EFCAB8: variants seen among roughly 807,000 people sequenced by gnomAD.
The protein encoded by EFCAB8 is EF-hand calcium binding domain 8.
In EFCAB8, 100 loss-of-function variants were observed where a neutral mutation model predicts 116.3. The ratio of observed to expected loss-of-function variants is 0.86; its 90% CI spans 0.73 to 1.02. The LOEUF (loss-of-function observed/expected upper bound fraction) is 1.02. EFCAB8 is among the 50% of genes least tolerant of loss of function. The pLI is 0.00. For missense variants in EFCAB8, 1,320 were observed against 1,416.9 expected, an observed-to-expected ratio of 0.93 and a Z score of 1.10; for synonymous variants, 558 against 567.9, an observed-to-expected ratio of 0.98 and a Z score of 0.25.
chr20:32,892,607 T>C (rs1600391794), intron 8 of EFCAB8, among the ~76,000 whole-genome samples: 1 of 151,930 alleles, frequency 6.6e-6, no homozygotes, highest in Admixed American at 6.6e-5. Flanking sequence ...TTGCGAGGGG[T>C]GACTTAACAA....
At chr20:32,925,232 A>G (rs1987623815) in intron 20 of EFCAB8, among the ~76,000 whole-genome samples, 1 of 151,884 alleles carries the variant, frequency 6.6e-6, no homozygotes, top group African/African-American at 2.4e-5. Context: ...TTATTTATTT[A>G]TTTTTGAGAT....
At chr20:32,935,192 CTTTTT>C (rs753039647) in intron 22 of EFCAB8, among the ~76,000 whole-genome samples, 9 of 34,046 alleles carry the variant, frequency 2.6e-4, no homozygotes, top group East Asian at 1.3e-3. Context: ...TTCTTTCTTT[CTTTTT>C]TTTTTTTTTT....
At chr20:32,912,172 C>T (rs982309925) in intron 16 of EFCAB8, among the ~76,000 whole-genome samples, 1 of 152,120 alleles carries the variant, frequency 6.6e-6, no homozygotes, top group Non-Finnish European at 1.5e-5. Flanking sequence ...GGCAGTGGCT[C>T]ACGCCTGTAA....
At chr20:32,931,975 G>A (rs1032252395) in intron 22 of EFCAB8, among the ~76,000 whole-genome samples, 2 of 152,188 alleles carry the variant, frequency 1.3e-5, no homozygotes, top group Non-Finnish European at 1.5e-5. Context: ...GTTTTTGTTG[G>A]GGGAGTGGAG....
At chr20:32,923,427 A>G (rs1016806323) in intron 20 of EFCAB8, among the ~76,000 whole-genome samples, 2 of 152,124 alleles carry the variant, frequency 1.3e-5, no homozygotes, top group African/African-American at 4.8e-5. Context: ...CGGAGGTTGC[A>G]GTGAGCTGAG....
At chr20:32,863,700 C>A in intron 1 of EFCAB8, 83 bp from the exon 2 acceptor site, 1 of 1,404,124 alleles carries the variant, frequency 7.1e-7, no homozygotes, top group Non-Finnish European at 9.7e-7. Flanking sequence ...TTCTTTTCCA[C>A]CTTTCTGTGA....
At chr20:32,915,878 G>T (rs1226002721) in intron 17 of EFCAB8, among the ~76,000 whole-genome samples, 3 of 151,954 alleles carry the variant, frequency 2.0e-5, no homozygotes, top group African/African-American at 7.3e-5. Flanking sequence ...TCATCATGTT[G>T]GCCAGGCTGG....
chr20:32,864,643 C>T (rs1407522117), intron 2 of EFCAB8, among the ~76,000 whole-genome samples: 1 of 152,114 alleles, frequency 6.6e-6, no homozygotes, highest in Non-Finnish European at 1.5e-5. Flanking sequence ...CCCTGATGTA[C>T]GGTCTGTACG....
rs141621048 is a variant in EFCAB8 at position 32,953,728 on chromosome 20, C to T, written c.2960-4693C>T. Among the ~76,000 whole-genome samples, 21 of 152,304 alleles carry T rather than the reference C, an allele frequency of 1.4e-4. No homozygotes were observed. The East Asian group carries it at 3.9e-3, about 28-fold the overall frequency. ...CTTTATATATTATGGATATTAACCT[C>T]TTATCAGGGATATGATTTTCAGATA... is the stretch of plus-strand genomic sequence containing the variant. On this transcript the variant is annotated intron_variant, in intron 23 of 26. Coordinates refer to ENST00000400522, the MANE Select transcript of EFCAB8 (RefSeq NM_001143967.2).
At chr20:32,924,472 G>A (rs1987593767) in intron 20 of EFCAB8, among the ~76,000 whole-genome samples, 1 of 152,170 alleles carries the variant, frequency 6.6e-6, no homozygotes, top group Non-Finnish European at 1.5e-5. Context: ...AAGAATGTAT[G>A]TGAAAAGAAT....
At chr20:32,936,332 C>A (rs1988118934) in intron 22 of EFCAB8, among the ~76,000 whole-genome samples, 1 of 152,150 alleles carries the variant, frequency 6.6e-6, no homozygotes, top group African/African-American at 2.4e-5. Context: ...CCGCGCCTGG[C>A]CTATTTTTGC....
rs1197293744 is a variant in EFCAB8, at chr20:32,862,487, C to T, written c.-10-1296C>T. 3.9e-5 allele frequency among the ~76,000 whole-genome samples: 6 copies of T among 152,142 alleles called. No individual in the cohort carries two copies. In the East Asian group the frequency reaches 1.2e-3, roughly 29 times the overall value. On this transcript the variant is annotated intron_variant, in intron 1 of 26. Coordinates refer to ENST00000400522, the MANE Select transcript of EFCAB8 (RefSeq NM_001143967.2). The stretch of plus-strand genomic sequence containing the variant: ...TGGTTCTGGCATTTCTGTTAGCTTG[C>T]TTCTTGGCTTCCAAATCTCCTTCCC...
At chr20:32,912,886 T>G in intron 17 of EFCAB8, 22 bp downstream of exon 17, 1 of 716,942 alleles carries the variant, frequency 1.4e-6, no homozygotes, top group Non-Finnish European at 2.6e-6. Context: ...GCATGTATGG[T>G]GAGTAGGTTC....
chr20:32,877,207 CTTTTTTT>C (rs757130907), intron 4 of EFCAB8, among the ~76,000 whole-genome samples: 10 of 115,054 alleles, frequency 8.7e-5, no homozygotes, highest in Non-Finnish European at 1.4e-4. Flanking sequence ...TTATTTCTTT[CTTTTTTT>C]TTTTTTTTTT....
chr20:32,960,543 G>GGCATCA (rs1989114768), intron 26 of EFCAB8, among the ~76,000 whole-genome samples: 1 of 152,202 alleles, frequency 6.6e-6, no homozygotes, highest in Non-Finnish European at 1.5e-5. Flanking sequence ...AGCAGACTAG[G>GGCATCA]GCATCATGCC....
At chr20:32,902,240 G>A (rs538238700) in intron 11 of EFCAB8, among the ~76,000 whole-genome samples, 1 of 152,266 alleles carries the variant, frequency 6.6e-6, no homozygotes, top group South Asian at 2.1e-4. Flanking sequence ...ATGGGCAGGG[G>A]TGGTGGTGAA....
intron 1 of EFCAB8, among the ~76,000 whole-genome samples, chr20:32,862,171 T>G (rs1984151000): frequency 6.6e-6 from 1 of 150,962 alleles, no homozygotes; most frequent in Non-Finnish European, 1.5e-5. Context: ...CACTCTGTCA[T>G]CCAGGCTGGA....
intron 23 of EFCAB8, among the ~76,000 whole-genome samples, chr20:32,958,093 T>A (rs1268248719): frequency 6.6e-6 from 1 of 152,116 alleles, no homozygotes; most frequent in African/African-American, 2.4e-5. Flanking sequence ...TTTTATGCCA[T>A]TGCCATTTTA....
chr20:32,939,006 TTCCCTCCTTCCC>T (rs1988235359), intron 22 of EFCAB8, among the ~76,000 whole-genome samples: 2 of 126,388 alleles, frequency 1.6e-5, no homozygotes, highest in African/African-American at 6.4e-5. Flanking sequence ...CCTTCCCTCC[TTCCCTCCTTCCC>T]TCCCTCCCTC....
Sources: allele counts gnomAD v4.1 joint callset (sites outside exome capture counted in the v4.1 genomes callset), GRCh38; gene constraint gnomAD v4.1.1; transcripts MANE v1.5; gene names NCBI Gene and HGNC (gene_info 2026-07-23, HGNC 2026-07-21).